The following CSRNP3 variants were observed in gnomAD, a reference collection of about 807,000 sequenced individuals.
CSRNP3 encodes the protein cysteine/serine-rich nuclear protein 3.
A neutral mutation model predicts 48.0 loss-of-function variants in CSRNP3; 12 were observed. That is an observed-to-expected ratio of 0.25 (90% CI 0.16 to 0.41). The LOEUF (loss-of-function observed/expected upper bound fraction) is 0.41, where lower values mean the gene tolerates loss of function less well. Among genes scored for constraint, CSRNP3 ranks in the 10% least tolerant of loss-of-function variants. The probability of loss-of-function intolerance (pLI) is 1.00; values close to 1 mark genes in which losing one functional copy is unlikely to be tolerated. For missense variants in CSRNP3, 580 were observed against 724.4 expected, an observed-to-expected ratio of 0.80 and a Z score of 2.29; for synonymous variants, 263 against 269.7, an observed-to-expected ratio of 0.98 and a Z score of 0.24.
chr2:165,546,356 C>T (rs1685025324), intron 3 of CSRNP3, among the ~76,000 whole-genome samples: 1 of 151,986 alleles, frequency 6.6e-6, no homozygotes, highest in African/African-American at 2.4e-5. Context: ...CCAGGCCCAG[C>T]TAACTTTTGT....
chr2:165,642,676 C>T (rs772405742), intron 4 of CSRNP3, among the ~76,000 whole-genome samples: 14 of 151,860 alleles, frequency 9.2e-5, no homozygotes, highest in Non-Finnish European at 1.8e-4. Context: ...GATTCTCCTG[C>T]CTGAGACTCC....
At chr2:165,676,272 GC>G in intron 5 of CSRNP3, 39 bp from the exon 6 acceptor site, 1 of 1,537,420 alleles carries the variant, frequency 6.5e-7, no homozygotes, top group African/African-American at 1.4e-5. Context: ...TTTGTACCCT[GC>G]CCTTAATGAG....
chr2:165,598,210 C>A (rs1685843977), intron 4 of CSRNP3, among the ~76,000 whole-genome samples: 1 of 152,058 alleles, frequency 6.6e-6, no homozygotes, highest in African/African-American at 2.4e-5. Context: ...TACGGTAACT[C>A]ATTCAATTAA....
chr2:165,615,681 G>A lies in CSRNP3; in HGVS notation c.148+20468G>A, dbSNP rs184530515. 4.2e-3 allele frequency among the ~76,000 whole-genome samples: 643 copies of A among 151,496 alleles called. 2 individuals are homozygous for A. Among genetic ancestry groups the A allele is most frequent in the Non-Finnish European group, 6.8e-3 (461 of 67,862 alleles). ...GTCTGATGTAATTATAGTTATTTCT[G>A]CATGCTTTTGTATTCTGTTTACATG... On this transcript the variant is annotated intron_variant, in intron 4 of 6. Transcript: ENST00000651982.
intron 4 of CSRNP3, among the ~76,000 whole-genome samples, chr2:165,647,964 G>A (rs900968471): frequency 2.6e-5 from 4 of 152,096 alleles, no homozygotes; most frequent in Admixed American, 2.6e-4. Flanking sequence ...TTAAAACGGA[G>A]CTTCTGTGTA....
intron 4 of CSRNP3, among the ~76,000 whole-genome samples, chr2:165,598,951 T>A (rs1558945817): frequency 6.6e-6 from 1 of 152,026 alleles, no homozygotes; most frequent in Non-Finnish European, 1.5e-5. Context: ...GTAGAAAAGA[T>A]CTGAGAGGTT....
chr2:165,686,172 G>C lies in CSRNP3; in HGVS notation c.*6419G>C, dbSNP rs925306990. The C allele has an allele frequency of 6.6e-5, 10 of 151,812 alleles. No homozygotes were observed. The highest frequency in any genetic ancestry group is 1.3e-4 in the Non-Finnish European group (9 of 67,936). The allele number at this position is 151,812 out of a possible 1,614,324, so 9.4% of individuals were successfully genotyped here. A position where few individuals can be genotyped will look rare whatever the true frequency, so the allele number is the denominator to read the frequency against. ...ATTAATGAGTATTTGGAAGAAAATTGACCTAGAAAATGTCTCTTTTAAATT... is the reference window on the plus strand; with the variant it reads ...ATTAATGAGTATTTGGAAGAAAATTCACCTAGAAAATGTCTCTTTTAAATT... On this transcript the variant is annotated 3_prime_UTR_variant, in exon 7 of 7. Coordinates refer to ENST00000651982, the MANE Select transcript of CSRNP3 (RefSeq NM_001172173.2).
chr2:165,664,109 A>C (rs1206729811), intron 5 of CSRNP3, among the ~76,000 whole-genome samples: 1 of 152,212 alleles, frequency 6.6e-6, no homozygotes, highest in Non-Finnish European at 1.5e-5. Context: ...AAACATTCCT[A>C]GTTCTTCGAG....
intron 4 of CSRNP3, among the ~76,000 whole-genome samples, chr2:165,636,114 A>G (rs535825304): frequency 6.6e-6 from 1 of 152,306 alleles, no homozygotes; most frequent in South Asian, 2.1e-4. Context: ...CTGTTTTAAT[A>G]GTATTCCTAT....
Position 165,684,238 on chromosome 2 carries a change from C to G in CSRNP3, c.*4485C>G, listed in dbSNP as rs1687592578. On this transcript the variant is annotated 3_prime_UTR_variant, in exon 7 of 7. Coordinates refer to ENST00000651982, the MANE Select transcript of CSRNP3 (RefSeq NM_001172173.2). ...TGGAAAACAGAGAGGTTGTTAGACTCCATCACTTTCAGCTGGAGTTACAAA... is the reference window on the plus strand; with the variant it reads ...TGGAAAACAGAGAGGTTGTTAGACTGCATCACTTTCAGCTGGAGTTACAAA... The G allele has an allele frequency of 6.6e-6, 1 of 152,062 alleles. No individual in the cohort carries two copies. Among genetic ancestry groups the G allele is most frequent in the African/African-American group, 2.4e-5 (1 of 41,420 alleles). 9.4% of individuals were successfully genotyped at this position (152,062 alleles called of 1,614,324 possible).
intron 3 of CSRNP3, among the ~76,000 whole-genome samples, chr2:165,582,175 A>C (rs1253808440): frequency 6.6e-6 from 1 of 152,222 alleles, no homozygotes; most frequent in Non-Finnish European, 1.5e-5. Flanking sequence ...AACCTTGAGC[A>C]AGTGATCTAG....
At chr2:165,615,888 GTTTTTTT>G (rs957235965) in intron 4 of CSRNP3, among the ~76,000 whole-genome samples, 7 of 59,272 alleles carry the variant, frequency 1.2e-4, no homozygotes, top group African/African-American at 3.5e-4. Flanking sequence ...TGTTTGTGGG[GTTTTTTT>G]TTTTTTTTTT....
At chr2:165,639,648 T>G (rs1686693199) in intron 4 of CSRNP3, among the ~76,000 whole-genome samples, 1 of 152,168 alleles carries the variant, frequency 6.6e-6, no homozygotes, top group African/African-American at 2.4e-5. Flanking sequence ...ACAAAGTCAG[T>G]GTTTTGACAC....
chr2:165,511,980 T>A (rs1422268663), intron 2 of CSRNP3, among the ~76,000 whole-genome samples: 1 of 152,136 alleles, frequency 6.6e-6, no homozygotes, highest in East Asian at 1.9e-4. Flanking sequence ...GGTGAGTGTA[T>A]GTGCAAGGGA....
chr2:165,657,305 G>A (rs977217554), intron 4 of CSRNP3, among the ~76,000 whole-genome samples: 2 of 152,072 alleles, frequency 1.3e-5, no homozygotes, highest in African/African-American at 4.8e-5. Context: ...TTATTTTACT[G>A]TTAGCTGTTG....
In CSRNP3 at chr2:165,640,252, G is replaced by A. The variant is rs144219088; in HGVS notation, c.149-17509G>A. ...AAATATTTATTTAATCCTCATAACA[G>A]CACTATGTGATGAGTATTATTATTA... On this transcript the variant is annotated intron_variant, in intron 4 of 6. Coordinates refer to ENST00000651982, the MANE Select transcript of CSRNP3 (RefSeq NM_001172173.2). Among the ~76,000 whole-genome samples, 685 of 152,304 alleles carry A rather than the reference G, an allele frequency of 4.5e-3. 1 individual carries two copies. The highest frequency in any genetic ancestry group is 7.3e-3 in the Non-Finnish European group (498 of 68,018).
intron 4 of CSRNP3, among the ~76,000 whole-genome samples, chr2:165,651,957 G>A (rs1386756124): frequency 6.6e-6 from 1 of 151,942 alleles, no homozygotes; most frequent in Non-Finnish European, 1.5e-5. Flanking sequence ...CACCCGGCCT[G>A]AAAGCATTCT....
At chr2:165,648,500 T>C (rs1199159747) in intron 4 of CSRNP3, among the ~76,000 whole-genome samples, 3 of 152,122 alleles carry the variant, frequency 2.0e-5, no homozygotes, top group Non-Finnish European at 2.9e-5. Flanking sequence ...TTTAAAAAGA[T>C]TTTTTTGCTT....
At chr2:165,572,746 C>T (rs1310871165) in intron 3 of CSRNP3, among the ~76,000 whole-genome samples, 3 of 152,012 alleles carry the variant, frequency 2.0e-5, no homozygotes, top group Non-Finnish European at 4.4e-5. Context: ...ATTAAATTGT[C>T]GATGTAGTCA....
Sources: gnomAD v4.1 joint callset for allele counts (sites outside exome capture counted in the v4.1 genomes callset) on GRCh38, gnomAD v4.1.1 for gene constraint, MANE v1.5 for transcripts, NCBI Gene and HGNC (gene_info 2026-07-23, HGNC 2026-07-21) for gene names.